Variants in PDE6A observed in about 807,000 individuals in gnomAD.
PDE6A encodes the protein rod cGMP-specific 3',5'-cyclic phosphodiesterase subunit alpha.
Under a neutral mutation model 106.3 loss-of-function variants are expected in PDE6A, and 84 were observed. The ratio of observed to expected loss-of-function variants is 0.79; its 90% CI spans 0.66 to 0.95. The LOEUF is 0.95. Among genes scored for constraint, PDE6A ranks in the 40% least tolerant of loss-of-function variants. The pLI is 0.00. For missense variants in PDE6A, 1,052 were observed against 1,084.9 expected, an observed-to-expected ratio of 0.97 and a Z score of 0.43; for synonymous variants, 394 against 386.6, an observed-to-expected ratio of 1.02 and a Z score of -0.23.
In PDE6A at chr5:149,944,270, G is replaced by A; in HGVS notation, c.404C>T (p.Pro135Leu). The change falls in exon 1 of 22, where the codon CCT (proline) becomes CTT (leucine). Residue 135 changes from proline to leucine, a missense_variant. This residue lies in a region of PDE6A where 913 missense variants were observed against 915.2 expected (regional missense o/e 1.00). Coordinates refer to ENST00000255266, the MANE Select transcript of PDE6A (RefSeq NM_000440.3). ...LVMPDQEIVF[P>L]LDMGIVGHVA... ...ATGGCCCACGATGCCCATGTCCAAA[G>A]GGAAGACGATCTCTTGGTCGGGCAT... 1 of 1,613,984 alleles carries A rather than the reference G, an allele frequency of 6.2e-7. No individual in the cohort carries two copies. Among genetic ancestry groups the A allele is most frequent in the Non-Finnish European group, 8.5e-7 (1 of 1,180,008 alleles).
rs190592801 is a variant in PDE6A, at chr5:149,893,071, T to C, written c.1728+2112A>G. 2.6e-3 allele frequency among the ~76,000 whole-genome samples: 399 copies of C among 152,348 alleles called. 3 individuals are homozygous for C. Among genetic ancestry groups the C allele is most frequent in the African/African-American group, 9.1e-3 (379 of 41,580 alleles). On this transcript the variant is annotated intron_variant, in intron 13 of 21. Coordinates refer to ENST00000255266, the MANE Select transcript of PDE6A (RefSeq NM_000440.3). ...GTGACTCAGTAGTGCAGAACTTTAG[T>C]GCATTATGCCAAAGCATATTTTCAT...
intron 18 of PDE6A, 48 bp downstream of exon 18, chr5:149,868,047 C>T: frequency 6.4e-7 from 1 of 1,554,912 alleles, no homozygotes; most frequent in Non-Finnish European, 8.9e-7. Context: ...TGACCTGATG[C>T]CCCCAGTACT....
chr5:149,932,330 G>T, intron 3 of PDE6A: 1 of 1,428,204 alleles, frequency 7.0e-7, no homozygotes, highest in Non-Finnish European at 9.9e-7. Flanking sequence ...CATTTTGAGG[G>T]GTTGTAGGAG....
intron 13 of PDE6A, among the ~76,000 whole-genome samples, chr5:149,893,086 C>T (rs1048772058): frequency 3.9e-5 from 6 of 152,164 alleles, no homozygotes; most frequent in African/African-American, 1.4e-4. Flanking sequence ...TATGCCAAAG[C>T]ATATTTTCAT....
At chr5:149,867,863 C>T in intron 18 of PDE6A, 64 bp from the exon 19 acceptor site, 1 of 1,468,238 alleles carries the variant, frequency 6.8e-7, no homozygotes, top group Non-Finnish European at 9.5e-7. Flanking sequence ...TACCCCTGCT[C>T]CCACCCCACT....
At chr5:149,883,743 G>A (rs1761017224) in intron 16 of PDE6A, among the ~76,000 whole-genome samples, 1 of 152,176 alleles carries the variant, frequency 6.6e-6, no homozygotes, top group South Asian at 2.1e-4. Flanking sequence ...CAAATCTCTT[G>A]TCCTGAATCT....
At chr5:149,940,304 G>A (rs186692642) in intron 1 of PDE6A, among the ~76,000 whole-genome samples, 2 of 152,152 alleles carry the variant, frequency 1.3e-5, no homozygotes, top group African/African-American at 4.8e-5. Flanking sequence ...GAGTTGAAGG[G>A]AGAATAGACT....
At chr5:149,898,685 C>T (rs1205195765) in intron 9 of PDE6A, among the ~76,000 whole-genome samples, 179 bp from the exon 10 acceptor site, 1 of 152,138 alleles carries the variant, frequency 6.6e-6, no homozygotes, top group African/African-American at 2.4e-5. Context: ...TGGATGTGAC[C>T]ACACTGTACA....
intron 17 of PDE6A, among the ~76,000 whole-genome samples, chr5:149,873,141 G>A (rs1036034861): frequency 1.3e-5 from 2 of 152,150 alleles, no homozygotes; most frequent in Admixed American, 1.3e-4. Flanking sequence ...GATTATATTT[G>A]TCTTCATACC....
intron 17 of PDE6A, 112 bp downstream of exon 17, chr5:149,883,317 C>A: frequency 1.3e-6 from 1 of 749,214 alleles, no homozygotes; most frequent in South Asian, 1.5e-5. Context: ...TGTTGAAGGC[C>A]TCCAAAATGA....
At chr5:149,870,576 T>C (rs1485306321) in intron 17 of PDE6A, among the ~76,000 whole-genome samples, 1 of 152,028 alleles carries the variant, frequency 6.6e-6, no homozygotes, top group African/African-American at 2.4e-5. Context: ...AGACAGAGAT[T>C]TGCTGTGTGC....
intron 16 of PDE6A, 87 bp downstream of exon 16, chr5:149,884,378 GTATATATATGTGTA>G: frequency 1.4e-6 from 1 of 737,492 alleles, no homozygotes; most frequent in Non-Finnish European, 2.4e-6. Flanking sequence ...ATATATGTGT[GTATATATATGTGTA>G]TATATGTATA....
intron 12 of PDE6A, among the ~76,000 whole-genome samples, chr5:149,895,967 C>T (rs1752734833): frequency 6.6e-6 from 1 of 152,180 alleles, no homozygotes; most frequent in Non-Finnish European, 1.5e-5. Context: ...CTCTGCCGTC[C>T]CCCATGACCC....
At chr5:149,888,927 C>CA (rs1243634358) in intron 13 of PDE6A, among the ~76,000 whole-genome samples, 3 of 151,374 alleles carry the variant, frequency 2.0e-5, no homozygotes, top group African/African-American at 4.9e-5. Flanking sequence ...ACTAAAAATA[C>CA]AAAAAATTAG....
intron 19 of PDE6A, chr5:149,866,949 C>T (rs1159280147): frequency 6.5e-6 from 1 of 153,962 alleles, no homozygotes; most frequent in Non-Finnish European, 1.4e-5. Context: ...GAAAATATTA[C>T]AAAGAGAGAG....
Position 149,870,946 on chromosome 5 carries a change from G to GAAAAGAAA in PDE6A, c.2136-2789_2136-2788insTTTCTTTT, listed in dbSNP as rs1561684651. Among the ~76,000 whole-genome samples, 760 of 147,876 alleles carry GAAAAGAAA rather than the reference G, an allele frequency of 5.1e-3. 16 individuals carry two copies. The highest frequency in any genetic ancestry group is 0.018 in the African/African-American group (725 of 39,622). On this transcript the variant is annotated intron_variant, in intron 17 of 21. Transcript: ENST00000255266. ...GAAGAAAGAAAGGAAGAGAAGAGAAGAGAAAAGAAAAGAAAAGAAAAAAAG... is the reference window on the plus strand; with the variant it reads ...GAAGAAAGAAAGGAAGAGAAGAGAAGAAAAGAAAAGAAAAGAAAAGAAAAGAAAAAAAG...
chr5:149,865,010 C>T (rs997984422), intron 20 of PDE6A, among the ~76,000 whole-genome samples: 2 of 152,084 alleles, frequency 1.3e-5, no homozygotes, highest in African/African-American at 2.4e-5. Context: ...GAGGCCGAGG[C>T]GGGTGGATCG....
rs113412556 is a variant in PDE6A at position 149,923,363 on chromosome 5, T to C, written c.859-1654A>G. Among the ~76,000 whole-genome samples, 18 of 152,110 alleles carry C rather than the reference T, an allele frequency of 1.2e-4. 1 individual carries two copies. Among genetic ancestry groups the C allele is most frequent in the Middle Eastern group, 3.4e-3 (1 of 294 alleles). Reference sequence around the variant, plus strand: ...AAATACAAAAATTAGCCGGGCGTGGTGGTATGTGCCTGTAATCCCAGCTTC... The same window carrying C: ...AAATACAAAAATTAGCCGGGCGTGGCGGTATGTGCCTGTAATCCCAGCTTC... On this transcript the variant is annotated intron_variant, in intron 4 of 21. Coordinates refer to ENST00000255266, the MANE Select transcript of PDE6A (RefSeq NM_000440.3).
chr5:149,876,753 G>A (rs553716149), intron 17 of PDE6A, among the ~76,000 whole-genome samples: 3 of 152,188 alleles, frequency 2.0e-5, no homozygotes, highest in Admixed American at 6.5e-5. Context: ...CAATCTGCCC[G>A]TCTCAGCCTC....
Sources: allele counts gnomAD v4.1 joint callset (sites outside exome capture counted in the v4.1 genomes callset), GRCh38; gene constraint gnomAD v4.1.1; regional missense constraint gnomAD v4.1.1; transcripts MANE v1.5; gene names NCBI Gene and HGNC (gene_info 2026-07-23, HGNC 2026-07-21).